NPNT: variants seen among roughly 807,000 people sequenced by gnomAD.
The protein encoded by NPNT is preosteoblast EGF-like repeat protein with MAM domain.
In NPNT, 45 loss-of-function variants were observed where a neutral mutation model predicts 68.6. That is an observed-to-expected ratio of 0.66 (90% CI 0.52 to 0.84). NPNT has a LOEUF of 0.84. Among genes scored for constraint, NPNT ranks in the 40% least tolerant of loss-of-function variants. The pLI is 0.00. For synonymous variants in NPNT, 233 were observed against 253.3 expected, an observed-to-expected ratio of 0.92 and a Z score of 0.76; for missense variants, 672 against 714.8, an observed-to-expected ratio of 0.94 and a Z score of 0.68.
At chr4:105,907,033 T>C (rs563910203) in intron 2 of NPNT, among the ~76,000 whole-genome samples, 10 of 152,326 alleles carry the variant, frequency 6.6e-5, no homozygotes, top group African/African-American at 2.4e-4. Flanking sequence ...AAGTTCCTGA[T>C]TGCTATAGGT....
chr4:105,900,791 AG>A (rs1726338238), intron 2 of NPNT, among the ~76,000 whole-genome samples: 1 of 149,024 alleles, frequency 6.7e-6, no homozygotes, highest in Non-Finnish European at 1.5e-5. Context: ...AGAAATAGGC[AG>A]GTTGTGTTTT....
intron 11 of NPNT, among the ~76,000 whole-genome samples, chr4:105,968,449 T>G (rs1240908671): frequency 1.3e-5 from 2 of 152,240 alleles, no homozygotes; most frequent in Non-Finnish European, 2.9e-5. Context: ...TTATGGTGTT[T>G]GATTCTATTC....
intron 3 of NPNT, among the ~76,000 whole-genome samples, chr4:105,932,069 C>T (rs557137613): frequency 5.9e-5 from 9 of 152,242 alleles, no homozygotes; most frequent in Admixed American, 4.6e-4. Flanking sequence ...TAATTTCTTA[C>T]ATTTAAATGA....
At chr4:105,922,852 A>G (rs28481382) in intron 2 of NPNT, among the ~76,000 whole-genome samples, 17,766 of 152,134 alleles carry the variant, frequency 0.12, 1,964 homozygotes, top group African/African-American at 0.3. Context: ...TAAAATGTCT[A>G]TCATTCGTTG....
At chr4:105,925,603 G>A (rs1728620964) in intron 2 of NPNT, among the ~76,000 whole-genome samples, 1 of 152,174 alleles carries the variant, frequency 6.6e-6, no homozygotes, top group Admixed American at 6.5e-5. Flanking sequence ...ATGGAGAACA[G>A]CATGGGTTAA....
intron 8 of NPNT, among the ~76,000 whole-genome samples, chr4:105,948,293 A>G (rs1050896667): frequency 1.3e-5 from 2 of 152,222 alleles, no homozygotes; most frequent in Admixed American, 6.5e-5. Flanking sequence ...AACCACTACT[A>G]AAGATAGAAT....
chr4:105,906,192 G>C (rs1002965444), intron 2 of NPNT, among the ~76,000 whole-genome samples: 19 of 152,316 alleles, frequency 1.2e-4, no homozygotes, highest in African/African-American at 4.3e-4. Context: ...AAAGGTAAAA[G>C]ATGTTATTGC....
chr4:105,928,181 C>A lies in NPNT; in HGVS notation c.265+753C>A, dbSNP rs1359074623. On this transcript the variant is annotated intron_variant, in intron 3 of 11. Transcript: ENST00000379987. ...GTTAGTAAAAGAGCTAGCATGTCAA[C>A]TTAGAGCTATGGCATATATAATCCA... is the stretch of plus-strand genomic sequence containing the variant. 2.5e-3 allele frequency among the ~76,000 whole-genome samples: 376 copies of A among 152,196 alleles called. 2 individuals are homozygous for A. Among genetic ancestry groups the A allele is most frequent in the African/African-American group, 8.7e-3 (360 of 41,510 alleles).
At chr4:105,912,507 TA>T in intron 2 of NPNT, 1 of 591,294 alleles carries the variant, frequency 1.7e-6, no homozygotes, top group Non-Finnish European at 2.3e-6. Context: ...ACCTCCATTC[TA>T]AGCTAAAGGA....
chr4:105,937,206 A>C, intron 4 of NPNT, 78 bp downstream of exon 4: 1 of 1,481,180 alleles, frequency 6.8e-7, no homozygotes, highest in South Asian at 1.2e-5. Context: ...CTTTTGTGAA[A>C]ATGGCCTCCG....
chr4:105,928,459 C>T (rs1052295436), intron 3 of NPNT, among the ~76,000 whole-genome samples: 7 of 151,696 alleles, frequency 4.6e-5, no homozygotes, highest in South Asian at 2.1e-4. Context: ...ACTAAAAATA[C>T]GAAATTAGCT....
Position 105,968,896 on chromosome 4 carries a change from T to G in NPNT, c.1604T>G (p.Val535Gly). 6.3e-7 allele frequency: 1 copy of G among 1,599,178 alleles called. No homozygotes were observed. Among genetic ancestry groups the G allele is most frequent in the Non-Finnish European group, 8.6e-7 (1 of 1,166,818 alleles). The change falls in exon 12 of 12, where the codon GTC becomes GGC. Residue 535 changes from valine to glycine, a missense_variant and splice_region_variant. Physicochemically the swap from Val to Gly is moderately radical, Grantham distance 109 (BLOSUM62 -3). Transcript: ENST00000379987. ...CTGGTGTGTGCATTCTCTCCCTAGG[T>G]CGTCTTCAAAGGTGAAAAAAGGCGT... ...ITLRGADIKSVVFKGEKRRGH... is the reference protein window; with the variant it reads ...ITLRGADIKSGVFKGEKRRGH...
chr4:105,902,229 T>C (rs1726478172), intron 2 of NPNT, among the ~76,000 whole-genome samples: 1 of 152,224 alleles, frequency 6.6e-6, no homozygotes, highest in Non-Finnish European at 1.5e-5. Flanking sequence ...GCTGTTAGAA[T>C]GTTAGAATTT....
In NPNT at chr4:105,970,239, A is replaced by C. The variant is rs1015107232; in HGVS notation, c.*1249A>C. The C allele has an allele frequency of 1.4e-5, 8 of 566,782 alleles. No homozygotes were observed. The highest frequency in any genetic ancestry group is 3.1e-5 in the Admixed American group (1 of 32,628). The allele number at this position is 566,782 out of a possible 1,614,324, so 35.1% of individuals were successfully genotyped here. On this transcript the variant is annotated 3_prime_UTR_variant, in exon 12 of 12. Coordinates refer to ENST00000379987, the MANE Select transcript of NPNT (RefSeq NM_001033047.3). The stretch of plus-strand genomic sequence containing the variant: ...GAGGAGCAGGGCAAGTTGGAATTCT[A>C]AGATCCATGAACCCCCAACTGTATT...
intron 1 of NPNT, among the ~76,000 whole-genome samples, chr4:105,896,541 G>A (rs1303311598): frequency 6.6e-6 from 1 of 152,182 alleles, no homozygotes; most frequent in Non-Finnish European, 1.5e-5. Context: ...GGCTCGTCCC[G>A]GGTGCAGATG....
At chr4:105,913,067 A>G (rs550160663) in intron 2 of NPNT, among the ~76,000 whole-genome samples, 1 of 152,224 alleles carries the variant, frequency 6.6e-6, no homozygotes, top group Admixed American at 6.5e-5. Context: ...GGGTTTTGCC[A>G]TGTTGGCCAG....
intron 3 of NPNT, among the ~76,000 whole-genome samples, chr4:105,928,026 C>T (rs1192980385): frequency 1.3e-5 from 2 of 152,070 alleles, no homozygotes; most frequent in Admixed American, 1.3e-4. Flanking sequence ...CCATTTTTAT[C>T]TTTACAACAA....
chr4:105,943,049 A>G (rs1462133644), intron 8 of NPNT, among the ~76,000 whole-genome samples: 1 of 152,232 alleles, frequency 6.6e-6, no homozygotes, highest in African/African-American at 2.4e-5. Context: ...CCCTTCATTC[A>G]TTCAGTCAGT....
intron 3 of NPNT, among the ~76,000 whole-genome samples, chr4:105,928,223 C>T (rs1048690452): frequency 1.3e-5 from 2 of 152,092 alleles, no homozygotes; most frequent in Admixed American, 1.3e-4. Context: ...TTCTACTATA[C>T]TAGTTTTGGA....
Sources: gnomAD v4.1 joint callset for allele counts (sites outside exome capture counted in the v4.1 genomes callset) on GRCh38, gnomAD v4.1.1 for gene constraint, MANE v1.5 for transcripts, NCBI Gene and HGNC (gene_info 2026-07-23, HGNC 2026-07-21) for gene names.